The following SBK1 variants were observed in gnomAD, a reference collection of about 807,000 sequenced individuals.
SBK1 encodes SH3 domain binding kinase 1, also known as serine/threonine-protein kinase SBK1.
A neutral mutation model predicts 24.4 loss-of-function variants in SBK1; 11 were observed. That is an observed-to-expected ratio of 0.45 (90% CI 0.28 to 0.75). SBK1 has a LOEUF of 0.75. SBK1 is among the 30% of genes least tolerant of loss of function. The pLI is 0.12. For missense variants in SBK1, 467 were observed against 620.5 expected (o/e 0.75, Z 2.63); for synonymous variants, 308 against 284.4 (o/e 1.08, Z -0.83).
At chr16:28,310,017 G>A (rs1313441072) in intron 1 of SBK1, among the ~76,000 whole-genome samples, 3 of 152,218 alleles carry the variant, frequency 2.0e-5, no homozygotes, top group African/African-American at 7.2e-5. Context: ...GCAGGAAGTG[G>A]TGGGCGGCTC....
chr16:28,302,996 G>A (rs1302962687), intron 1 of SBK1, among the ~76,000 whole-genome samples: 2 of 151,854 alleles, frequency 1.3e-5, no homozygotes, highest in Non-Finnish European at 2.9e-5. Flanking sequence ...GGCAATCCTG[G>A]TTGAGAAGGT....
Position 28,319,229 on chromosome 16 carries a change from G to A in SBK1, c.429+32G>A. The A allele has an allele frequency of 1.3e-6, 2 of 1,540,942 alleles. No homozygotes were observed. The highest frequency in any genetic ancestry group is 1.4e-5 in the African/African-American group (1 of 73,560). Reference sequence around the variant, plus strand: ...GGGATGGTGGCATAGGGTGGGGAAAGGGTCTTCAGGGTCCCAGAGTGTGAG... The same window carrying A: ...GGGATGGTGGCATAGGGTGGGGAAAAGGTCTTCAGGGTCCCAGAGTGTGAG... On this transcript the variant is annotated intron_variant, in intron 3 of 3. Coordinates refer to ENST00000341901, the MANE Select transcript of SBK1 (RefSeq NM_001024401.3). This position sits in a 1 kb window ranked among gnomAD's most constrained non-coding sequence, Gnocchi z 4.0.
intron 2 of SBK1, among the ~76,000 whole-genome samples, chr16:28,318,292 T>C (rs1014776073): frequency 2.0e-5 from 3 of 152,212 alleles, no homozygotes; most frequent in Non-Finnish European, 4.4e-5. Context: ...CTGCACGCGC[T>C]TGGGTCCAGG....
chr16:28,272,323 G>C (rs1353555051), intron 1 of SBK1, among the ~76,000 whole-genome samples: 1 of 152,062 alleles, frequency 6.6e-6, no homozygotes, highest in Non-Finnish European at 1.5e-5. Context: ...TCTAGCCTCA[G>C]CCTCCCAAAG....
At chr16:28,274,961 T>C (rs1484284280) in intron 1 of SBK1, among the ~76,000 whole-genome samples, 1 of 152,028 alleles carries the variant, frequency 6.6e-6, no homozygotes, top group Admixed American at 6.6e-5. Context: ...AATGTAAACA[T>C]GGTATGTAGG....
rs1460355785 is a variant in SBK1 at position 28,320,863 on chromosome 16, G to A, written c.1217G>A (p.Arg406His). 4 of 1,494,970 alleles carry A rather than the reference G, an allele frequency of 2.7e-6. No individual in the cohort carries two copies. The highest frequency in any genetic ancestry group is 3.5e-4 in the Middle Eastern group (2 of 5,648). The allele number at this position is 1,494,970 out of a possible 1,614,324, so 92.6% of individuals were successfully genotyped here. A position where few individuals can be genotyped will look rare whatever the true frequency, so the allele number is the denominator to read the frequency against. ...GGGCCCCCCGGCCGGACCGACGGCC[G>A]CGCGGACAAGAGCAAAGGGCAGGTG... ...PQGPPGRTDGRADKSKGQVVL... is the reference protein window; with the variant it reads ...PQGPPGRTDGHADKSKGQVVL... Residue 406 changes from arginine (R) to histidine (H), a missense_variant, in exon 4 of 4, where the codon CGC (arginine) becomes CAC (histidine). Physicochemically the swap from Arg to His is conservative, Grantham distance 29. This residue lies in a region of SBK1 where 166 missense variants were observed against 146.8 expected (regional missense o/e 1.13). Transcript: ENST00000341901. The surrounding 1 kb of genome is among the most constrained non-coding windows in gnomAD (Gnocchi z 8.5).
chr16:28,268,094 C>G (rs2044441573), intron 1 of SBK1, among the ~76,000 whole-genome samples: 2 of 152,276 alleles, frequency 1.3e-5, no homozygotes, highest in South Asian at 4.1e-4. Context: ...CCAGCCTGGG[C>G]AACATGGTGA....
At chr16:28,313,144 A>C (rs2044765789) in intron 1 of SBK1, among the ~76,000 whole-genome samples, 1 of 152,026 alleles carries the variant, frequency 6.6e-6, no homozygotes. Context: ...TACGAAAAAA[A>C]ATTATCTGGG....
intron 1 of SBK1, among the ~76,000 whole-genome samples, chr16:28,287,492 C>G (rs2044573409): frequency 6.6e-6 from 1 of 151,406 alleles, no homozygotes; most frequent in African/African-American, 2.4e-5. Context: ...AAAATCATGG[C>G]TAAGTTTTTT....
chr16:28,302,421 A>T (rs1321519097), intron 1 of SBK1, among the ~76,000 whole-genome samples: 1 of 152,214 alleles, frequency 6.6e-6, no homozygotes, highest in Non-Finnish European at 1.5e-5. Context: ...AGGCTGGTAC[A>T]TCCACCTCGG....
rs761267907 is a variant in SBK1, at chr16:28,317,397, C to T, written c.6C>T (p.Ser2=). 31 of 1,613,248 alleles carry T rather than the reference C, an allele frequency of 1.9e-5. No homozygotes were observed. Among genetic ancestry groups the T allele is most frequent in the Admixed American group, 6.7e-5 (4 of 59,986 alleles). Residue 2 remains serine (S), a synonymous_variant, in exon 2 of 4, where the codon AGC becomes AGT. Coordinates refer to ENST00000341901, the MANE Select transcript of SBK1 (RefSeq NM_001024401.3). The surrounding 1 kb of genome is among the most constrained non-coding windows in gnomAD (Gnocchi z 4.2). M[S]VGCPEPEPPR... The stretch of plus-strand genomic sequence containing the variant: ...CCCTACCCAACAGGGAGAAGATGAG[C>T]GTGGGCTGCCCAGAGCCTGAGCCGC...
chr16:28,309,615 A>G (rs2044740308), intron 1 of SBK1, among the ~76,000 whole-genome samples: 2 of 152,174 alleles, frequency 1.3e-5, no homozygotes, highest in South Asian at 4.1e-4. Context: ...TAGGAATTCA[A>G]GCTGGACGTG....
At chr16:28,272,627 T>TTC (rs1277783457) in intron 1 of SBK1, among the ~76,000 whole-genome samples, 8 of 138,658 alleles carry the variant, frequency 5.8e-5, no homozygotes, top group South Asian at 2.4e-4. Context: ...TTCTTTTTTT[T>TTC]TTTTTTTTTT....
chr16:28,291,233 C>T (rs1238246311), upstream of SBK1: 1 of 152,126 alleles, frequency 6.6e-6, no homozygotes, highest in Non-Finnish European at 1.5e-5. Context: ...TGGAAACCAT[C>T]ATTCTCAGCA....
intron 1 of SBK1, among the ~76,000 whole-genome samples, chr16:28,280,147 A>ATG (rs1258164420): frequency 0.032 from 1,549 of 48,206 alleles, 24 homozygotes; most frequent in Non-Finnish European, 0.059. Context: ...ATATATATAT[A>ATG]TATGTGTGTG....
At chr16:28,313,373 G>A (rs745634322) in intron 1 of SBK1, among the ~76,000 whole-genome samples, 29 of 151,926 alleles carry the variant, frequency 1.9e-4, no homozygotes, top group Non-Finnish European at 3.7e-4. Flanking sequence ...CACTTTGGAG[G>A]ATTGCTTGAG....
upstream of SBK1, chr16:28,291,564 C>T (rs201609074): frequency 6.6e-6 from 1 of 150,554 alleles, no homozygotes; most frequent in East Asian, 1.9e-4. Flanking sequence ...GCTAAAAAAA[C>T]AAAAAAAAAA....
At chr16:28,312,381 T>G (rs1382744113) in intron 1 of SBK1, among the ~76,000 whole-genome samples, 1 of 152,158 alleles carries the variant, frequency 6.6e-6, no homozygotes, top group Non-Finnish European at 1.5e-5. Flanking sequence ...TTGGAAGAGA[T>G]TTTTTCCAAG....
At chr16:28,314,324 C>CTTTT (rs11462703) in intron 1 of SBK1, among the ~76,000 whole-genome samples, 14 of 94,486 alleles carry the variant, frequency 1.5e-4, no homozygotes, top group African/African-American at 3.1e-4. Context: ...ACCCAGCTAA[C>CTTTT]TTTTTTTTTT....
Sources: gnomAD v4.1 joint callset for allele counts (sites outside exome capture counted in the v4.1 genomes callset) on GRCh38, gnomAD v4.1.1 for gene constraint, gnomAD v4.1.1 regional missense constraint, Gnocchi (gnomAD v3.1) non-coding constraint, MANE v1.5 for transcripts, NCBI Gene and HGNC (gene_info 2026-07-23, HGNC 2026-07-21) for gene names.